The following EHBP1 variants were observed in gnomAD, a reference collection of about 807,000 sequenced individuals.
EHBP1 encodes EH domain binding protein 1.
A neutral mutation model predicts 144.0 loss-of-function variants in EHBP1; 55 were observed. The observed-to-expected ratio is 0.38, with a 90% CI of 0.31 to 0.48. The LOEUF (loss-of-function observed/expected upper bound fraction) is 0.48, where lower values mean the gene tolerates loss of function less well. Ranked by LOEUF, EHBP1 falls within the 20% of genes least tolerant of loss-of-function variation. The pLI, the probability that EHBP1 is intolerant of heterozygous loss-of-function variation, is 0.98. For missense variants in EHBP1, 1,200 were observed against 1,364.2 expected (o/e 0.88, Z 1.90); for synonymous variants, 469 against 472.7 (o/e 0.99, Z 0.10).
chr2:62,745,392 T>C (rs1435067130), intron 2 of EHBP1, among the ~76,000 whole-genome samples: 1 of 135,440 alleles, frequency 7.4e-6, no homozygotes, highest in East Asian at 2.3e-4. Flanking sequence ...ATGGAATGGG[T>C]GGGAGGGGAT....
chr2:62,987,729 AT>A (rs1042899677), intron 15 of EHBP1, among the ~76,000 whole-genome samples: 37 of 152,276 alleles, frequency 2.4e-4, no homozygotes, highest in African/African-American at 7.5e-4. Flanking sequence ...GTGATAATTC[AT>A]GTTTGACATA....
rs77185725 is a variant in EHBP1 at position 63,035,764 on chromosome 2, T to C, written c.3104-1771T>C. Reference sequence around the variant, plus strand: ...CAAAAAGGCCTTCACCAGGGTACAATTGGCCTTTTTCCAAATTGCAAGCTT... The same window carrying C: ...CAAAAAGGCCTTCACCAGGGTACAACTGGCCTTTTTCCAAATTGCAAGCTT... On this transcript the variant is annotated intron_variant, in intron 19 of 22. Transcript: ENST00000431489. Among the ~76,000 whole-genome samples the C allele has an allele frequency of 2.7e-3, 406 of 152,176 alleles. 1 individual carries two copies. The highest frequency in any genetic ancestry group is 9.2e-3 in the African/African-American group (382 of 41,562).
intron 5 of EHBP1, among the ~76,000 whole-genome samples, chr2:62,793,001 G>A (rs560590399): frequency 1.4e-4 from 21 of 151,652 alleles, no homozygotes; most frequent in South Asian, 8.3e-4. Context: ...ACAATGCTAC[G>A]TATATTAAAA....
intron 2 of EHBP1, among the ~76,000 whole-genome samples, chr2:62,710,711 T>C (rs1169444575): frequency 2.0e-5 from 3 of 152,136 alleles, no homozygotes; most frequent in African/African-American, 7.2e-5. Flanking sequence ...TGTTTAAGTT[T>C]GTGACATTGA....
chr2:62,974,921 G>A (rs1424940235), intron 14 of EHBP1, among the ~76,000 whole-genome samples: 2 of 151,800 alleles, frequency 1.3e-5, no homozygotes, highest in African/African-American at 2.4e-5. Flanking sequence ...ACTTAGTGAC[G>A]TAAAAAAAAA....
chr2:62,758,625 G>T lies in EHBP1; in HGVS notation c.163-5641G>T, dbSNP rs376960428. On this transcript the variant is annotated intron_variant, in intron 3 of 22. Coordinates refer to ENST00000431489, the MANE Select transcript of EHBP1 (RefSeq NM_001142616.3). ...AGACCAGAAAAATTATGGCAGAGTA[G>T]TTATGTTGCCCTAAATCCTGTTATC... Among the ~76,000 whole-genome samples the T allele has an allele frequency of 2.8e-4, 43 of 152,320 alleles. No individual in the cohort carries two copies. The East Asian group carries it at 7.7e-3, about 27-fold the overall frequency.
chr2:62,774,854 A>G (rs181276751), intron 5 of EHBP1, among the ~76,000 whole-genome samples: 1 of 152,318 alleles, frequency 6.6e-6, no homozygotes, highest in Non-Finnish European at 1.5e-5. Context: ...CAAACAAAAC[A>G]AAACAAAAAA....
chr2:62,787,582 A>G (rs2042904669), intron 5 of EHBP1, among the ~76,000 whole-genome samples: 1 of 152,248 alleles, frequency 6.6e-6, no homozygotes, highest in Admixed American at 6.5e-5. Context: ...GCAGCATAGT[A>G]GTTGTAATGG....
chr2:62,836,526 C>T (rs1285054607), intron 7 of EHBP1, among the ~76,000 whole-genome samples: 7 of 141,500 alleles, frequency 4.9e-5, no homozygotes, highest in African/African-American at 8.0e-5. Context: ...AGGCTTCAGA[C>T]GATCAAATTA....
intron 2 of EHBP1, among the ~76,000 whole-genome samples, chr2:62,715,562 C>G (rs1268080764): frequency 6.6e-6 from 1 of 151,774 alleles, no homozygotes; most frequent in Non-Finnish European, 1.5e-5. Flanking sequence ...CTTGGTGTGG[C>G]CATGTGATTA....
chr2:62,811,200 C>T (rs1274508468), intron 5 of EHBP1, among the ~76,000 whole-genome samples: 3 of 152,128 alleles, frequency 2.0e-5, no homozygotes, highest in South Asian at 2.1e-4. Flanking sequence ...CTCTTCCATC[C>T]GACCATCTAA....
chr2:62,715,404 G>A (rs1377326171), intron 2 of EHBP1, among the ~76,000 whole-genome samples: 3 of 151,368 alleles, frequency 2.0e-5, no homozygotes, highest in Admixed American at 1.3e-4. Flanking sequence ...GTGAGCCACC[G>A]TGCCCAGCCG....
chr2:62,760,661 A>G (rs907440000), intron 3 of EHBP1, among the ~76,000 whole-genome samples: 1 of 152,152 alleles, frequency 6.6e-6, no homozygotes, highest in African/African-American at 2.4e-5. Flanking sequence ...ACTTTTGATC[A>G]CTGTGTCATA....
At chr2:62,707,341 A>G in intron 2 of EHBP1, 46 bp downstream of exon 2, 1 of 1,415,868 alleles carries the variant, frequency 7.1e-7, no homozygotes, top group Non-Finnish European at 1.0e-6. Flanking sequence ...TGGCCTAAGC[A>G]TACTGTGGCC....
At chr2:62,947,398 T>C (rs752885898) in intron 12 of EHBP1, among the ~76,000 whole-genome samples, 2 of 152,196 alleles carry the variant, frequency 1.3e-5, no homozygotes, top group Non-Finnish European at 2.9e-5. Flanking sequence ...TAAGAAAAAC[T>C]TTGAATTATA....
intron 12 of EHBP1, among the ~76,000 whole-genome samples, chr2:62,944,055 A>T (rs1473948481): frequency 6.6e-6 from 1 of 152,236 alleles, no homozygotes; most frequent in Non-Finnish European, 1.5e-5. Context: ...GGTTGGCATC[A>T]TATTATAATA....
At chr2:62,827,671 CT>C (rs754873194) in intron 6 of EHBP1, among the ~76,000 whole-genome samples, 158 of 145,656 alleles carry the variant, frequency 1.1e-3, no homozygotes, top group Non-Finnish European at 1.1e-3. Flanking sequence ...AGCAAGTTAA[CT>C]TTTTTTTTTT....
intron 7 of EHBP1, among the ~76,000 whole-genome samples, chr2:62,841,732 C>CTTT (rs1203616383): frequency 6.6e-6 from 1 of 151,926 alleles, no homozygotes; most frequent in Non-Finnish European, 1.5e-5. Flanking sequence ...GTTTTGGCTT[C>CTTT]TTTTCTTTTT....
chr2:62,844,106 T>C (rs2048121512), intron 7 of EHBP1, among the ~76,000 whole-genome samples: 1 of 152,254 alleles, frequency 6.6e-6, no homozygotes, highest in South Asian at 2.1e-4. Context: ...CTGTTAACAA[T>C]TGTGTACCTC....
Sources: allele counts gnomAD v4.1 joint callset (sites outside exome capture counted in the v4.1 genomes callset), GRCh38; gene constraint gnomAD v4.1.1; transcripts MANE v1.5; gene names NCBI Gene and HGNC (gene_info 2026-07-23, HGNC 2026-07-21).